The following CFAP54 variants were observed in gnomAD, a reference collection of about 807,000 sequenced individuals.
The protein encoded by CFAP54 is cilia and flagella associated protein 54.
A neutral mutation model predicts 370.4 loss-of-function variants in CFAP54; 290 were observed. The observed-to-expected ratio is 0.78, with a 90% CI of 0.71 to 0.86. The LOEUF is 0.86. CFAP54 is among the 40% of genes least tolerant of loss of function. The pLI is 0.00. For synonymous variants in CFAP54, 1,206 were observed against 1,236.5 expected (o/e 0.98, Z 0.52); for missense variants, 3,399 against 3,528.7 (o/e 0.96, Z 0.93).
intron 39 of CFAP54, among the ~76,000 whole-genome samples, chr12:96,675,268 G>T (rs993889705): frequency 6.6e-6 from 1 of 152,152 alleles, no homozygotes; most frequent in African/African-American, 2.4e-5. Flanking sequence ...CCATCAACAA[G>T]TTGGCAAAGG....
chr12:96,554,134 G>A (rs1219464016), intron 15 of CFAP54, 48 bp from the exon 16 acceptor site: 1 of 1,296,586 alleles, frequency 7.7e-7, no homozygotes, highest in Non-Finnish European at 1.0e-6. Flanking sequence ...TGTTGCATTT[G>A]ATTTTCCCTT....
intron 19 of CFAP54, among the ~76,000 whole-genome samples, chr12:96,569,862 A>G (rs1010064861): frequency 6.6e-6 from 1 of 152,206 alleles, no homozygotes; most frequent in African/African-American, 2.4e-5. Flanking sequence ...TATTAACTAT[A>G]TTAGCAGTAG....
intron 50 of CFAP54, among the ~76,000 whole-genome samples, chr12:96,720,932 A>G (rs1351695346): frequency 2.0e-5 from 3 of 151,990 alleles, no homozygotes; most frequent in African/African-American, 7.2e-5. Context: ...AGGCAGGAGA[A>G]TCACTTGAGC....
chr12:96,845,066 T>C (rs1959300136), intron 66 of CFAP54, among the ~76,000 whole-genome samples: 1 of 152,244 alleles, frequency 6.6e-6, no homozygotes. Context: ...TTTTTGAATC[T>C]AATTTTTACT....
intron 19 of CFAP54, among the ~76,000 whole-genome samples, chr12:96,575,861 T>C (rs1955970084): frequency 6.6e-6 from 1 of 152,104 alleles, no homozygotes; most frequent in Non-Finnish European, 1.5e-5. Context: ...CACTTTAATT[T>C]TAATCTTTAC....
intron 50 of CFAP54, among the ~76,000 whole-genome samples, chr12:96,731,901 A>G (rs1957924298): frequency 6.6e-6 from 1 of 152,168 alleles, no homozygotes. Flanking sequence ...CACTTGTCAC[A>G]TGATAATTGT....
intron 5 of CFAP54, among the ~76,000 whole-genome samples, chr12:96,516,440 A>T (rs7980971): frequency 0.27 from 40,548 of 151,956 alleles, 5,718 homozygotes; most frequent in South Asian, 0.38. Context: ...ATATTTTCTG[A>T]TATAACCCTA....
chr12:96,721,433 T>TTCTATG (rs1416746310), intron 50 of CFAP54, among the ~76,000 whole-genome samples: 26 of 152,208 alleles, frequency 1.7e-4, no homozygotes, highest in African/African-American at 6.3e-4. Context: ...GCAGTGAAGA[T>TTCTATG]ATAAAGATGC....
rs371050959 is a variant in CFAP54, at chr12:96,632,560, A to G, written c.4316+1909A>G. ...TCACTTAACAAGTTTTCATATATGT[A>G]GCTTTGGGATCTCTTCTCTGTTTGA... On this transcript the variant is annotated intron_variant, in intron 32 of 67. Coordinates refer to ENST00000524981, the MANE Select transcript of CFAP54 (RefSeq NM_001306084.2). Among the ~76,000 whole-genome samples the G allele has an allele frequency of 4.6e-5, 7 of 152,002 alleles. 1 individual carries two copies. The South Asian group carries it at 1.2e-3, about 27-fold the overall frequency.
chr12:96,677,083 GC>G lies in CFAP54; in HGVS notation c.5564-2515del, dbSNP rs765769348. On this transcript the variant is annotated intron_variant, in intron 39 of 67. Coordinates refer to ENST00000524981, the MANE Select transcript of CFAP54 (RefSeq NM_001306084.2). ...AATAGCATGATCATAGCTCACTGTAGCCTGGAACTCCTGGGCTCAGGTGATC... is the reference window on the plus strand; with the variant it reads ...AATAGCATGATCATAGCTCACTGTAGCTGGAACTCCTGGGCTCAGGTGATC... Among the ~76,000 whole-genome samples the G allele has an allele frequency of 2.4e-3, 82 of 33,514 alleles. 1 individual carries two copies. In the Middle Eastern group the frequency reaches 0.06, roughly 25 times the overall value. The allele number at this position is 33,514 out of a possible 152,430, so 22.0% of individuals were successfully genotyped here. A position where few individuals can be genotyped will look rare whatever the true frequency, so the allele number is the denominator to read the frequency against.
intron 26 of CFAP54, among the ~76,000 whole-genome samples, chr12:96,604,599 G>A (rs1956281690): frequency 6.6e-6 from 1 of 152,254 alleles, no homozygotes; most frequent in East Asian, 1.9e-4. Flanking sequence ...CTTGCTGAGT[G>A]TGGTGGGCTC....
chr12:96,680,812 C>T (rs948345078), intron 40 of CFAP54, among the ~76,000 whole-genome samples: 2 of 151,910 alleles, frequency 1.3e-5, no homozygotes, highest in South Asian at 2.1e-4. Context: ...GACTGGGCGC[C>T]GTGGCTCACG....
intron 64 of CFAP54, among the ~76,000 whole-genome samples, chr12:96,817,226 G>A (rs891924578): frequency 6.6e-6 from 1 of 151,766 alleles, no homozygotes; most frequent in Non-Finnish European, 1.5e-5. Flanking sequence ...TTGTGCTTTT[G>A]CAATTTCTAA....
Position 96,693,821 on chromosome 12 carries a change from CTTT to C in CFAP54, c.6351+15_6351+17del. 6.7e-7 allele frequency: 1 copy of C among 1,485,694 alleles called. No homozygotes were observed. The highest frequency in any genetic ancestry group is 2.3e-5 in the East Asian group (1 of 44,048). 92.0% of individuals were successfully genotyped at this position (1,485,694 alleles called of 1,614,324 possible). A position where few individuals can be genotyped will look rare whatever the true frequency, so the allele number is the denominator to read the frequency against. On this transcript the variant is annotated intron_variant, in intron 45 of 67. Coordinates refer to ENST00000524981, the MANE Select transcript of CFAP54 (RefSeq NM_001306084.2). ...AAGAATCCTCAAGGTATGTTACAAG[CTTT>C]TAAGACATTTGATATTCTTGAACTA... is the stretch of plus-strand genomic sequence containing the variant.
At chr12:96,494,942 G>C (rs1954932549) in intron 1 of CFAP54, among the ~76,000 whole-genome samples, 1 of 151,978 alleles carries the variant, frequency 6.6e-6, no homozygotes, top group African/African-American at 2.4e-5. Context: ...GGCCAGGATG[G>C]TCTCGATATC....
chr12:96,682,237 C>T, intron 40 of CFAP54: 6 of 985,694 alleles, frequency 6.1e-6, no homozygotes, highest in Non-Finnish European at 7.2e-6. Context: ...ACCCCCTGAC[C>T]TTTCTCAGGA....
intron 26 of CFAP54, among the ~76,000 whole-genome samples, chr12:96,601,619 T>G (rs957889708): frequency 3.9e-5 from 6 of 152,210 alleles, no homozygotes; most frequent in African/African-American, 1.4e-4. Flanking sequence ...TATTAATTAT[T>G]ACCTCAATTT....
Position 96,581,046 on chromosome 12 carries a change from A to C in CFAP54, c.3016A>C (p.Lys1006Gln). ...CGGTGGTGCTATTGGGGAGACAACT[A>C]AACCAATTCTGGTTTATCCCCCTCT... ...LVGGAIGETT[K>Q]PILVYPPLST... Residue 1006 changes from lysine to glutamine, a missense_variant, in exon 22 of 68, where the codon AAA becomes CAA. Coordinates refer to ENST00000524981, the MANE Select transcript of CFAP54 (RefSeq NM_001306084.2). The C allele has an allele frequency of 6.5e-7, 1 of 1,531,570 alleles. No individual in the cohort carries two copies. Among genetic ancestry groups the C allele is most frequent in the East Asian group, 2.5e-5 (1 of 40,758 alleles). The allele number at this position is 1,531,570 out of a possible 1,614,324, so 94.9% of individuals were successfully genotyped here.
At chr12:96,850,217 A>T (rs1391972789) in intron 66 of CFAP54, among the ~76,000 whole-genome samples, 1 of 21,790 alleles carries the variant, frequency 4.6e-5, no homozygotes, top group Non-Finnish European at 8.1e-5. Context: ...TGTCTCTACT[A>T]AAAAAAAAAA....
Sources: allele counts gnomAD v4.1 joint callset (sites outside exome capture counted in the v4.1 genomes callset), GRCh38; gene constraint gnomAD v4.1.1; transcripts MANE v1.5; gene names NCBI Gene and HGNC (gene_info 2026-07-23, HGNC 2026-07-21).